FBXO43: variants seen among roughly 807,000 people sequenced by gnomAD.
FBXO43 encodes the protein F-box only protein 43.
Under a neutral mutation model 56.7 loss-of-function variants are expected in FBXO43, and 22 were observed. The observed-to-expected ratio is 0.39, with a 90% CI of 0.28 to 0.55. FBXO43 has a LOEUF of 0.55. Among genes scored for constraint, FBXO43 ranks in the 20% least tolerant of loss-of-function variants. The pLI is 0.66. For synonymous variants in FBXO43, 306 were observed against 294.5 expected (o/e 1.04, Z -0.40); for missense variants, 733 against 814.9 (o/e 0.90, Z 1.22).
upstream of FBXO43, among the ~76,000 whole-genome samples, chr8:100,146,718 T>C (rs1165940884): frequency 2.6e-5 from 4 of 152,206 alleles, no homozygotes; most frequent in Non-Finnish European, 4.4e-5. Context: ...TATTAGTTTA[T>C]CATCCCATGC....
chr8:100,137,105 G>T, intron 3 of FBXO43: 1 of 153,384 alleles, frequency 6.5e-6, no homozygotes. Flanking sequence ...CGCCCAGGCT[G>T]GAGTGCAGTG....
intron 1 of FBXO43, among the ~76,000 whole-genome samples, chr8:100,144,848 C>T (rs1814774258): frequency 1.3e-5 from 2 of 150,240 alleles, no homozygotes; most frequent in Admixed American, 6.6e-5. Flanking sequence ...AGGAGAATGG[C>T]GTGAACCCGG....
upstream of FBXO43, among the ~76,000 whole-genome samples, chr8:100,150,034 A>C (rs1814890416): frequency 6.6e-6 from 1 of 152,184 alleles, no homozygotes; most frequent in Admixed American, 6.5e-5. Flanking sequence ...AGACAGCGAA[A>C]GCTACCAAAA....
Position 100,141,641 on chromosome 8 carries a change from G to A in FBXO43, c.613C>T (p.Pro205Ser), listed in dbSNP as rs1311872056. The A allele has an allele frequency of 1.2e-6, 2 of 1,612,978 alleles. No individual in the cohort carries two copies. Among genetic ancestry groups the A allele is most frequent in the South Asian group, 2.2e-5 (2 of 90,984 alleles). ...GTTTTTAAAGTGCTAGTAACTAAAG[G>A]GCTAAAATTATTTGCCCTGGAAAAA... ...SGFSRANNFS[P>S]LVTSTLKTEE... Residue 205 changes from proline to serine, a missense_variant, in exon 2 of 5, where the codon CCT (proline) becomes TCT (serine). Transcript: ENST00000428847.
intron 1 of FBXO43, among the ~76,000 whole-genome samples, chr8:100,144,650 G>A (rs2514688): frequency 0.38 from 56,297 of 148,090 alleles, 10,905 homozygotes; most frequent in East Asian, 0.52. Flanking sequence ...AAAAAGCAGC[G>A]GCCGGGCGCG....
chr8:100,134,696 C>T (rs1814417824), intron 3 of FBXO43, among the ~76,000 whole-genome samples: 1 of 152,088 alleles, frequency 6.6e-6, no homozygotes, highest in South Asian at 2.1e-4. Context: ...ATAATCTAGA[C>T]TTTGTGGGCC....
At chr8:100,149,485 G>T (rs772517319), upstream of FBXO43, among the ~76,000 whole-genome samples, 2 of 152,236 alleles carry the variant, frequency 1.3e-5, no homozygotes, top group African/African-American at 2.4e-5. Flanking sequence ...GTTAAGAGGA[G>T]AGGTACTTTG....
At chr8:100,136,885 T>C (rs1032424498) in intron 3 of FBXO43, 4 of 152,292 alleles carry the variant, frequency 2.6e-5, no homozygotes, top group Admixed American at 2.6e-4. Context: ...TGTTCACCAT[T>C]GTAATCTGAG....
upstream of FBXO43, among the ~76,000 whole-genome samples, chr8:100,149,325 A>G (rs1274417767): frequency 1.3e-5 from 2 of 152,230 alleles, no homozygotes; most frequent in Non-Finnish European, 1.5e-5. Context: ...TGATATTTCA[A>G]CTGGAGAGTT....
At position 100,134,360 on chromosome 8, in the gene FBXO43, G is replaced by A; in HGVS notation, c.1679C>T (p.Ala560Val). 6.2e-7 allele frequency: 1 copy of A among 1,613,044 alleles called. No individual in the cohort carries two copies. Among genetic ancestry groups the A allele is most frequent in the East Asian group, 2.2e-5 (1 of 44,868 alleles). The change falls in exon 4 of 5, where the codon GCT (alanine) becomes GTT (valine). Residue 560 changes from alanine to valine, a missense_variant. By Grantham distance (64) the Ala-to-Val change is moderately conservative. Transcript: ENST00000428847. ...GGCAGCATCCTCGACATTTAATACA[G>A]CCCCCTGTGGTAAAGGACAAGAGGC... is the stretch of plus-strand genomic sequence containing the variant. ...ITQLKTDSEG[A>V]VLNVEDAATR...
Position 100,134,043 on chromosome 8 carries a change from T to C in FBXO43, c.1886A>G (p.Lys629Arg). Reference protein sequence around the residue: ...SKQEEYVKVAKTLFTDEALKP... With the variant: ...SKQEEYVKVARTLFTDEALKP... ...TAATGCTTCATCAGTAAAAAGTGTT[T>C]TGGCAACCTGCAGTGAAAGCACACA... Residue 629 changes from lysine (K) to arginine (R), a missense_variant, in exon 5 of 5, where the codon AAA (lysine) becomes AGA (arginine). Lys to Arg is a conservative substitution (Grantham distance 26, BLOSUM62 2). Transcript: ENST00000428847. The C allele has an allele frequency of 6.2e-7, 1 of 1,613,556 alleles. No individual in the cohort carries two copies. Among genetic ancestry groups the C allele is most frequent in the East Asian group, 2.2e-5 (1 of 44,874 alleles).
At chr8:100,144,908 G>C (rs1814777592) in intron 1 of FBXO43, 143 bp downstream of exon 1, 1 of 1,007,860 alleles carries the variant, frequency 9.9e-7, no homozygotes, top group South Asian at 2.0e-5. Flanking sequence ...CTCCAGCCTG[G>C]GCGACAGAGC....
At position 100,134,006 on chromosome 8, in the gene FBXO43, T is replaced by A. The variant is rs753845547; in HGVS notation, c.1923A>T (p.Pro641=). Residue 641 remains proline (P), a synonymous_variant, in exon 5 of 5, where the codon CCA becomes CCT. Coordinates refer to ENST00000428847, the MANE Select transcript of FBXO43 (RefSeq NM_001029860.4). ...LFTDEALKPC[P]RCQSPAKYQP... ...GGTACTTAGCAGGGGACTGGCACCT[T>A]GGGCAAGGTTTTAATGCTTCATCAG... is the stretch of plus-strand genomic sequence containing the variant. 9.9e-6 allele frequency: 16 copies of A among 1,614,078 alleles called. No individual in the cohort carries two copies. Among genetic ancestry groups the A allele is most frequent in the Non-Finnish European group, 1.2e-5 (14 of 1,180,040 alleles).
intron 3 of FBXO43, among the ~76,000 whole-genome samples, chr8:100,135,927 C>CT (rs76409293): frequency 0.012 from 1,631 of 140,390 alleles, 26 homozygotes; most frequent in African/African-American, 0.032. Context: ...TATTTCTTTT[C>CT]TTTTTTTTTT....
chr8:100,139,560 C>T (rs1302186758), intron 2 of FBXO43, among the ~76,000 whole-genome samples: 3 of 152,226 alleles, frequency 2.0e-5, no homozygotes, highest in Admixed American at 2.0e-4. Flanking sequence ...AATCCTGTTC[C>T]ACATGACTTC....
upstream of FBXO43, among the ~76,000 whole-genome samples, chr8:100,148,779 CT>C (rs1256458497): frequency 1.3e-5 from 2 of 151,468 alleles, no homozygotes; most frequent in Admixed American, 1.3e-4. Context: ...AACCCACCTG[CT>C]TGCCACAAAA....
chr8:100,144,300 C>A (rs912393292), intron 1 of FBXO43, among the ~76,000 whole-genome samples: 1 of 148,978 alleles, frequency 6.7e-6, no homozygotes, highest in Non-Finnish European at 1.5e-5. Context: ...ATGCTTGAGT[C>A]CAGGAGTTTA....
chr8:100,136,664 G>C (rs571718162), intron 3 of FBXO43, among the ~76,000 whole-genome samples: 1 of 152,246 alleles, frequency 6.6e-6, no homozygotes, highest in South Asian at 2.1e-4. Flanking sequence ...TACTTTCTCT[G>C]CTAAAACCCT....
At position 100,141,091 on chromosome 8, in the gene FBXO43, C is replaced by T. The variant is rs573334743; in HGVS notation, c.1163G>A (p.Arg388Gln). ...LGRSRRLSTLREQSSQSETEE... is the reference protein window; with the variant it reads ...LGRSRRLSTLQEQSSQSETEE... ...TGTCTCTGACTGCGAGCTTTGTTCC[C>T]GAAGGGTGGACAGTCTTCTCGACCT... is the stretch of plus-strand genomic sequence containing the variant. The change falls in exon 2 of 5, where the codon CGG becomes CAG. Residue 388 changes from arginine (R) to glutamine (Q), a missense_variant. Coordinates refer to ENST00000428847, the MANE Select transcript of FBXO43 (RefSeq NM_001029860.4). The T allele has an allele frequency of 1.5e-5, 24 of 1,614,146 alleles. No homozygotes were observed. The Middle Eastern group carries it at 4.9e-4, about 33-fold the overall frequency.
Sources: allele counts gnomAD v4.1 joint callset (sites outside exome capture counted in the v4.1 genomes callset), GRCh38; gene constraint gnomAD v4.1.1; transcripts MANE v1.5; gene names NCBI Gene and HGNC (gene_info 2026-07-23, HGNC 2026-07-21).